The following TGFBR3 variants were observed in gnomAD, a reference collection of about 807,000 sequenced individuals.
TGFBR3 encodes the protein transforming growth factor beta receptor 3, also known as transforming growth factor beta receptor type 3.
TGFBR3 carries 46 observed loss-of-function variants against 87.9 expected under a neutral mutation model. The ratio of observed to expected loss-of-function variants is 0.52; its 90% confidence interval spans 0.41 to 0.67. The LOEUF (loss-of-function observed/expected upper bound fraction) is 0.67. Ranked by LOEUF, TGFBR3 falls within the 30% of genes least tolerant of loss-of-function variation. The pLI is 0.00. For missense variants in TGFBR3, 866 were observed against 1,041.9 expected (o/e 0.83, Z 2.32); for synonymous variants, 381 against 391.6 (o/e 0.97, Z 0.32).
At chr1:91,731,911 TA>T (rs1672787950) in intron 5 of TGFBR3, among the ~76,000 whole-genome samples, 1 of 152,232 alleles carries the variant, frequency 6.6e-6, no homozygotes, top group Non-Finnish European at 1.5e-5. Flanking sequence ...CCATTGTCAC[TA>T]AGTTGAATAA....
In TGFBR3 at chr1:91,683,588, ATC is replaced by A. The variant is rs1181741503; in HGVS notation, c.*149_*150del. 2 of 715,948 alleles carry A rather than the reference ATC, an allele frequency of 2.8e-6. No individual in the cohort carries two copies. The highest frequency in any genetic ancestry group is 5.0e-6 in the Non-Finnish European group (2 of 402,196). 44.3% of individuals were successfully genotyped at this position (715,948 alleles called of 1,614,324 possible). The stretch of plus-strand genomic sequence containing the variant: ...GGGTGTGGGGTGAATACAACGGGTG[ATC>A]TTTATACTGAAATTCACTCTGTCTT... On this transcript the variant is annotated 3_prime_UTR_variant, in exon 17 of 17. Transcript: ENST00000212355.
At chr1:91,811,289 G>A (rs1391825005) in intron 2 of TGFBR3, among the ~76,000 whole-genome samples, 1 of 152,166 alleles carries the variant, frequency 6.6e-6, no homozygotes. Flanking sequence ...TCCAGTCTGG[G>A]TGACACAGTG....
intron 4 of TGFBR3, among the ~76,000 whole-genome samples, chr1:91,744,086 CTTT>C (rs144888223): frequency 9.6e-4 from 130 of 135,894 alleles, no homozygotes; most frequent in Middle Eastern, 7.5e-3. Flanking sequence ...ATTTTACTTA[CTTT>C]TTTTTTTTTT....
At chr1:91,755,894 T>C (rs1673723092) in intron 4 of TGFBR3, among the ~76,000 whole-genome samples, 1 of 152,114 alleles carries the variant, frequency 6.6e-6, no homozygotes, top group African/African-American at 2.4e-5. Context: ...AGATATTTCA[T>C]AAATACAGAT....
intron 2 of TGFBR3, among the ~76,000 whole-genome samples, chr1:91,810,884 A>G (rs1676007987): frequency 6.6e-6 from 1 of 152,234 alleles, no homozygotes; most frequent in South Asian, 2.1e-4. Flanking sequence ...TGGAAAAAAA[A>G]ATGCAAAAGA....
At chr1:91,840,216 G>A (rs2101112609) in intron 2 of TGFBR3, among the ~76,000 whole-genome samples, 1 of 151,326 alleles carries the variant, frequency 6.6e-6, no homozygotes, top group East Asian at 1.9e-4. Flanking sequence ...CAGCTTCCTG[G>A]GAGCCTGAGG....
At chr1:91,753,944 C>T (rs1673648207) in intron 4 of TGFBR3, among the ~76,000 whole-genome samples, 1 of 152,124 alleles carries the variant, frequency 6.6e-6, no homozygotes, top group South Asian at 2.1e-4. Flanking sequence ...GTGTTTTGCT[C>T]AGTTTTCCAC....
At chr1:91,727,559 G>A (rs1367739546) in intron 7 of TGFBR3, 100 bp downstream of exon 7, 4 of 1,469,654 alleles carry the variant, frequency 2.7e-6, no homozygotes, top group African/African-American at 1.4e-5. Flanking sequence ...AGCTTAGAGA[G>A]TCCAAAGAGG....
chr1:91,727,878 G>A (rs1212188751), intron 6 of TGFBR3, 72 bp from the exon 7 acceptor site: 2 of 1,570,274 alleles, frequency 1.3e-6, no homozygotes, highest in African/African-American at 2.7e-5. Flanking sequence ...CCTCTTCCAA[G>A]TCTTCATGTT....
At chr1:91,760,484 C>G (rs116149671) in intron 3 of TGFBR3, among the ~76,000 whole-genome samples, 2 of 151,990 alleles carry the variant, frequency 1.3e-5, no homozygotes, top group African/African-American at 2.4e-5. Context: ...GCCAAAAGGC[C>G]GGGAAGTAAA....
At chr1:91,817,389 G>C (rs1486056018) in intron 2 of TGFBR3, among the ~76,000 whole-genome samples, 2 of 152,046 alleles carry the variant, frequency 1.3e-5, no homozygotes, top group Admixed American at 6.6e-5. Flanking sequence ...AGTTGCAAAA[G>C]AACACTATGA....
intron 14 of TGFBR3, among the ~76,000 whole-genome samples, chr1:91,706,780 G>T (rs1671813920): frequency 6.6e-6 from 1 of 152,144 alleles, no homozygotes; most frequent in Non-Finnish European, 1.5e-5. Flanking sequence ...TCTGAATTGG[G>T]ACTCCTTTCT....
chr1:91,683,376 G>A lies in TGFBR3; in HGVS notation c.*363C>T, dbSNP rs1164720340. 2.0e-6 allele frequency: 1 copy of A among 502,112 alleles called. No homozygotes were observed. Among genetic ancestry groups the A allele is most frequent in the Non-Finnish European group, 3.9e-6 (1 of 258,906 alleles). 31.1% of individuals were successfully genotyped at this position (502,112 alleles called of 1,614,324 possible). A position where few individuals can be genotyped will look rare whatever the true frequency, so the allele number is the denominator to read the frequency against. ...CCCTTTACCAACTCCTTGAGTCTGGGTAAAACTCAGGGCCCCAAATTATGG... is the reference window on the plus strand; with the variant it reads ...CCCTTTACCAACTCCTTGAGTCTGGATAAAACTCAGGGCCCCAAATTATGG... On this transcript the variant is annotated 3_prime_UTR_variant, in exon 17 of 17. Coordinates refer to ENST00000212355, the MANE Select transcript of TGFBR3 (RefSeq NM_003243.5).
At chr1:91,855,955 A>G (rs2450926) in intron 2 of TGFBR3, among the ~76,000 whole-genome samples, 24,922 of 151,878 alleles carry the variant, frequency 0.16, 2,821 homozygotes, top group East Asian at 0.4. Flanking sequence ...TTTCTAATCA[A>G]GAGGCATTAT....
At chr1:91,700,663 A>G (rs1246605360) in intron 14 of TGFBR3, among the ~76,000 whole-genome samples, 1 of 152,234 alleles carries the variant, frequency 6.6e-6, no homozygotes, top group African/African-American at 2.4e-5. Context: ...CTAATTCAGT[A>G]TGCAGAACAC....
At chr1:91,892,585 T>C (rs997140690) in intron 2 of TGFBR3, among the ~76,000 whole-genome samples, 2 of 152,184 alleles carry the variant, frequency 1.3e-5, no homozygotes, top group South Asian at 2.1e-4. Flanking sequence ...TGAAGTTGCA[T>C]TGTGAGTCCT....
At position 91,904,121 on chromosome 1, in the gene TGFBR3, C is replaced by T. The variant is rs537402120; in HGVS notation, c.-175+1705G>A. Among the ~76,000 whole-genome samples, 4 of 152,144 alleles carry T rather than the reference C, an allele frequency of 2.6e-5. No homozygotes were observed. In the South Asian group the frequency reaches 8.3e-4, roughly 31 times the overall value. On this transcript the variant is annotated intron_variant, in intron 1 of 17. Coordinates refer to the TGFBR3 transcript ENST00000370399. ...ATCGCTTGAACCCAGGAGGCAGAGG[C>T]TGCAGTGAGCCGAGATCGTGCCACT... is the stretch of plus-strand genomic sequence containing the variant.
intron 16 of TGFBR3, among the ~76,000 whole-genome samples, chr1:91,689,529 C>T (rs1671201416): frequency 6.6e-6 from 1 of 151,628 alleles, no homozygotes; most frequent in African/African-American, 2.4e-5. Flanking sequence ...GTGAACAAAC[C>T]AAAAAAATTT....
intron 1 of TGFBR3, among the ~76,000 whole-genome samples, chr1:91,872,576 G>A (rs1571591871): frequency 6.6e-6 from 1 of 152,318 alleles, no homozygotes; most frequent in African/African-American, 2.4e-5. Flanking sequence ...CAGCCCCCAA[G>A]CAAGGCAGCT....
Sources: gnomAD v4.1 joint callset for allele counts (sites outside exome capture counted in the v4.1 genomes callset) on GRCh38, gnomAD v4.1.1 for gene constraint, MANE v1.5 for transcripts, NCBI Gene and HGNC (gene_info 2026-07-23, HGNC 2026-07-21) for gene names.